The following SLC10A7 variants were observed in gnomAD, a reference collection of about 807,000 sequenced individuals.
SLC10A7 encodes the protein sodium/bile acid cotransporter 7.
SLC10A7 carries 29 observed loss-of-function variants against 43.2 expected under a neutral mutation model. That is an observed-to-expected ratio of 0.67 (90% CI 0.50 to 0.92). The LOEUF (loss-of-function observed/expected upper bound fraction) is 0.92, where lower values mean the gene tolerates loss of function less well. Among genes scored for constraint, SLC10A7 ranks in the 40% least tolerant of loss-of-function variants. The probability of loss-of-function intolerance (pLI) is 0.00; values close to 1 mark genes in which losing one functional copy is unlikely to be tolerated. For synonymous variants in SLC10A7, 152 were observed against 144.8 expected (o/e 1.05, Z -0.35); for missense variants, 295 against 403.2 (o/e 0.73, Z 2.30).
At chr4:146,486,999 T>C (rs547955597) in intron 4 of SLC10A7, among the ~76,000 whole-genome samples, 9 of 152,290 alleles carry the variant, frequency 5.9e-5, no homozygotes, top group African/African-American at 2.2e-4. Flanking sequence ...CAAACTGCAA[T>C]TGCTTCCTCA....
chr4:146,445,213 AATTCT>A (rs1465019515), intron 4 of SLC10A7, among the ~76,000 whole-genome samples: 1 of 151,964 alleles, frequency 6.6e-6, no homozygotes, highest in East Asian at 1.9e-4. Flanking sequence ...CTACTTTGGT[AATTCT>A]ATTTAATTTT....
At chr4:146,448,710 T>C (rs918630665) in intron 4 of SLC10A7, among the ~76,000 whole-genome samples, 1 of 152,220 alleles carries the variant, frequency 6.6e-6, no homozygotes, top group Non-Finnish European at 1.5e-5. Context: ...AAAAACGGGA[T>C]ATTTATGGTT....
intron 4 of SLC10A7, among the ~76,000 whole-genome samples, chr4:146,498,868 G>A (rs1374968276): frequency 6.6e-6 from 1 of 152,030 alleles, no homozygotes; most frequent in Admixed American, 6.5e-5. Context: ...TCTTGCCAAA[G>A]TACAACCCAT....
intron 4 of SLC10A7, among the ~76,000 whole-genome samples, chr4:146,484,908 T>A (rs1336236245): frequency 1.3e-5 from 2 of 152,230 alleles, no homozygotes; most frequent in African/African-American, 4.8e-5. Flanking sequence ...TTCCTTTATT[T>A]CCTTAAATAT....
At chr4:146,457,969 C>T (rs1009077422) in intron 4 of SLC10A7, among the ~76,000 whole-genome samples, 4 of 151,596 alleles carry the variant, frequency 2.6e-5, no homozygotes, top group African/African-American at 9.7e-5. Flanking sequence ...AGAAAATTCG[C>T]CAAATCATTT....
At chr4:146,264,457 T>C (rs1281279166) in intron 10 of SLC10A7, among the ~76,000 whole-genome samples, 1 of 151,894 alleles carries the variant, frequency 6.6e-6, no homozygotes, top group Non-Finnish European at 1.5e-5. Flanking sequence ...GCTATGTTCC[T>C]ACCATTCATT....
At chr4:146,349,863 G>A (rs1204415520) in intron 5 of SLC10A7, among the ~76,000 whole-genome samples, 1 of 152,102 alleles carries the variant, frequency 6.6e-6, no homozygotes, top group African/African-American at 2.4e-5. Context: ...GGAGGCAAGG[G>A]TTGAAAACCT....
intron 5 of SLC10A7, among the ~76,000 whole-genome samples, chr4:146,395,711 C>T (rs1738778742): frequency 6.6e-6 from 1 of 151,702 alleles, no homozygotes; most frequent in South Asian, 2.1e-4. Context: ...AAAACCAAAA[C>T]GAGTATATAT....
chr4:146,492,616 G>A (rs1196605714), intron 4 of SLC10A7, among the ~76,000 whole-genome samples: 1 of 152,044 alleles, frequency 6.6e-6, no homozygotes, highest in African/African-American at 2.4e-5. Flanking sequence ...GTGATCCACT[G>A]GCCTCGGCCT....
chr4:146,296,394 CTAA>C (rs926446002), intron 7 of SLC10A7, among the ~76,000 whole-genome samples: 8 of 152,072 alleles, frequency 5.3e-5, no homozygotes, highest in Non-Finnish European at 1.0e-4. Context: ...TTGAGTTAAC[CTAA>C]TAATCTCTTT....
chr4:146,457,667 T>C (rs1732181560), intron 4 of SLC10A7, among the ~76,000 whole-genome samples: 1 of 151,958 alleles, frequency 6.6e-6, no homozygotes, highest in African/African-American at 2.4e-5. Flanking sequence ...AGGGACATCC[T>C]AAACTGCTTC....
In SLC10A7 at chr4:146,294,050, G is replaced by A; in HGVS notation, c.601C>T (p.Pro201Ser). 1 of 1,611,352 alleles carries A rather than the reference G, an allele frequency of 6.2e-7. No homozygotes were observed. The highest frequency in any genetic ancestry group is 8.5e-7 in the Non-Finnish European group (1 of 1,178,284). ...IKDWLERKKPPFGAISSSVLL... is the reference protein window; with the variant it reads ...IKDWLERKKPSFGAISSSVLL... ...ACACTGCTGCTGATAGCACCAAAAG[G>A]AGGCTTCTTTCTCTCAAGCCAATCC... Residue 201 changes from proline (P) to serine (S), a missense_variant, in exon 8 of 12, where the codon CCT (proline) becomes TCT (serine). This residue lies in a region of SLC10A7 where 242 missense variants were observed against 362.5 expected (regional missense o/e 0.67). Transcript: ENST00000335472.
chr4:146,429,832 AG>A (rs1258762321), intron 5 of SLC10A7, among the ~76,000 whole-genome samples: 1 of 152,152 alleles, frequency 6.6e-6, no homozygotes, highest in Non-Finnish European at 1.5e-5. Context: ...GAGCAGAAAA[AG>A]GTCCAAGTGT....
intron 5 of SLC10A7, among the ~76,000 whole-genome samples, chr4:146,424,196 C>T (rs1448059804): frequency 6.6e-6 from 1 of 152,144 alleles, no homozygotes; most frequent in Non-Finnish European, 1.5e-5. Context: ...GGACTACAAG[C>T]GGGCAACACC....
At chr4:146,413,904 T>C (rs1013167902) in intron 5 of SLC10A7, among the ~76,000 whole-genome samples, 6 of 152,140 alleles carry the variant, frequency 3.9e-5, no homozygotes, top group African/African-American at 1.4e-4. Flanking sequence ...TCAAATCCAG[T>C]AGAGCTGAAT....
rs569684497 is a variant in SLC10A7 at position 146,437,454 on chromosome 4, C to T, written c.435+5329G>A. Among the ~76,000 whole-genome samples, 4 of 152,174 alleles carry T rather than the reference C, an allele frequency of 2.6e-5. No individual in the cohort carries two copies. In the East Asian group the frequency reaches 7.7e-4, roughly 29 times the overall value. On this transcript the variant is annotated intron_variant, in intron 5 of 11. Transcript: ENST00000335472. ...CAGCATCTATAAGATGGTACTGAAACTGCTTAAATATTAAGTCATTTGTTT... is the reference window on the plus strand; with the variant it reads ...CAGCATCTATAAGATGGTACTGAAATTGCTTAAATATTAAGTCATTTGTTT...
intron 9 of SLC10A7, among the ~76,000 whole-genome samples, chr4:146,289,522 T>C (rs938019841): frequency 6.6e-6 from 1 of 152,034 alleles, no homozygotes; most frequent in Non-Finnish European, 1.5e-5. Flanking sequence ...GCTTTTTCAA[T>C]GTATGTGTGT....
chr4:146,262,806 C>T (rs1344750518), intron 10 of SLC10A7, among the ~76,000 whole-genome samples: 1 of 152,228 alleles, frequency 6.6e-6, no homozygotes, highest in African/African-American at 2.4e-5. Context: ...TCAGAGTTGT[C>T]CTGTCCAAGC....
intron 10 of SLC10A7, among the ~76,000 whole-genome samples, chr4:146,265,788 TG>T (rs1414056568): frequency 6.6e-6 from 1 of 152,196 alleles, no homozygotes; most frequent in African/African-American, 2.4e-5. Flanking sequence ...CATACTGCTC[TG>T]GGAGAGGCTT....
Sources: allele counts gnomAD v4.1 joint callset (sites outside exome capture counted in the v4.1 genomes callset), GRCh38; gene constraint gnomAD v4.1.1; regional missense constraint gnomAD v4.1.1; transcripts MANE v1.5; gene names NCBI Gene and HGNC (gene_info 2026-07-23, HGNC 2026-07-21).